Variants in WDR7 observed in about 807,000 individuals in gnomAD.
WDR7 encodes WD repeat domain 7.
In WDR7, 46 loss-of-function variants were observed where a neutral mutation model predicts 169.4. The observed-to-expected ratio is 0.27, with a 90% CI of 0.21 to 0.35. The LOEUF (loss-of-function observed/expected upper bound fraction) is 0.35. WDR7 is among the 10% of genes least tolerant of loss of function. The probability of loss-of-function intolerance (pLI) is 1.00; values close to 1 mark genes in which losing one functional copy is unlikely to be tolerated. For synonymous variants in WDR7, 612 were observed against 666.8 expected (o/e 0.92, Z 1.27); for missense variants, 1,534 against 1,859.3 (o/e 0.83, Z 3.22).
intron 13 of WDR7, among the ~76,000 whole-genome samples, chr18:56,728,849 C>G (rs2026519573): frequency 6.6e-6 from 1 of 152,186 alleles, no homozygotes; most frequent in African/African-American, 2.4e-5. Context: ...CTGCTGCCAC[C>G]ACTTCCCTCT....
chr18:56,780,451 A>G lies in WDR7; in HGVS notation c.3066+902A>G, dbSNP rs148279357. Among the ~76,000 whole-genome samples the G allele has an allele frequency of 6.2e-3, 939 of 152,304 alleles. 11 individuals are homozygous for G. Among genetic ancestry groups the G allele is most frequent in the African/African-American group, 0.021 (888 of 41,552 alleles). The stretch of plus-strand genomic sequence containing the variant: ...AATAATATTTTGAATTCACTTCAGA[A>G]GTCACTTATACTTAAAAGTACCAGT... On this transcript the variant is annotated intron_variant, in intron 18 of 27. Coordinates refer to ENST00000254442, the MANE Select transcript of WDR7 (RefSeq NM_015285.3).
intron 20 of WDR7, among the ~76,000 whole-genome samples, chr18:56,834,287 A>G (rs898338667): frequency 1.3e-5 from 2 of 152,118 alleles, no homozygotes; most frequent in Admixed American, 1.3e-4. Context: ...GCCTCCCATG[A>G]CTTTGCTGTC....
intron 18 of WDR7, among the ~76,000 whole-genome samples, chr18:56,780,055 G>T (rs1038283335): frequency 1.7e-4 from 26 of 152,126 alleles, no homozygotes; most frequent in Admixed American, 1.7e-3. Flanking sequence ...CCTATTTAAA[G>T]CTCATTTATA....
chr18:56,773,491 AAGG>A (rs1407994847), intron 16 of WDR7, among the ~76,000 whole-genome samples: 1 of 152,162 alleles, frequency 6.6e-6, no homozygotes, highest in East Asian at 1.9e-4. Flanking sequence ...AAGGAATTGG[AAGG>A]AGAATTAGTT....
rs2046083809 is a variant in WDR7, at chr18:56,880,084, A to C, written c.3445A>C (p.Arg1149=). 1 of 1,614,016 alleles carries C rather than the reference A, an allele frequency of 6.2e-7. No homozygotes were observed. Residue 1149 remains arginine, a synonymous_variant, in exon 21 of 28, where the codon AGA becomes CGA. Coordinates refer to ENST00000254442, the MANE Select transcript of WDR7 (RefSeq NM_015285.3). ...AATTGAACCTCCTAAACTATTGACC[A>C]GACCTCGAAGCTCTAGCCAAATTCC... ...AEIEPPKLLT[R]PRSSSQIPEG...
In WDR7 at chr18:57,027,031, G is replaced by A. The variant is rs768122434; in HGVS notation, c.4297G>A (p.Gly1433Ser). 17 of 1,613,898 alleles carry A rather than the reference G, an allele frequency of 1.1e-5. No homozygotes were observed. The South Asian group carries it at 1.1e-4, about 10-fold the overall frequency. ...QMNTSLLGSI[G>S]MLNSAPQLRC... ...GAACACGTCACTGCTGGGAAGCATC[G>A]GCATGCTGAACTCGGCACCTCAGCT... The change falls in exon 28 of 28, where the codon GGC (glycine) becomes AGC (serine). Residue 1433 changes from glycine to serine, a missense_variant. Gly to Ser is a moderately conservative substitution (Grantham distance 56). Transcript: ENST00000254442.
At chr18:56,664,430 G>A (rs2024974156) in intron 1 of WDR7, among the ~76,000 whole-genome samples, 1 of 152,018 alleles carries the variant, frequency 6.6e-6, no homozygotes. Flanking sequence ...CATGTTTGAA[G>A]GGCAAAGGTC....
At chr18:56,991,244 T>A (rs997568792) in intron 26 of WDR7, among the ~76,000 whole-genome samples, 5 of 150,468 alleles carry the variant, frequency 3.3e-5, no homozygotes, top group African/African-American at 4.9e-5. Context: ...CCTCCTGGGT[T>A]CATGCCATTC....
chr18:56,740,272 A>T (rs1026480135), intron 14 of WDR7, among the ~76,000 whole-genome samples: 1 of 152,054 alleles, frequency 6.6e-6, no homozygotes, highest in Non-Finnish European at 1.5e-5. Context: ...GATTTCAGTT[A>T]TCTGCTGAAA....
chr18:56,865,390 A>G (rs2045868761), intron 20 of WDR7, among the ~76,000 whole-genome samples: 1 of 152,144 alleles, frequency 6.6e-6, no homozygotes, highest in African/African-American at 2.4e-5. Flanking sequence ...TTAGAATAGC[A>G]CTAGTATGCA....
intron 14 of WDR7, among the ~76,000 whole-genome samples, chr18:56,743,693 T>A (rs2043655509): frequency 6.6e-6 from 1 of 152,176 alleles, no homozygotes; most frequent in South Asian, 2.1e-4. Context: ...TGTATAATAC[T>A]TTTGAAATGT....
intron 21 of WDR7, among the ~76,000 whole-genome samples, chr18:56,889,443 G>A (rs896054502): frequency 3.9e-5 from 6 of 152,012 alleles, no homozygotes; most frequent in African/African-American, 1.4e-4. Context: ...TATACTTGAC[G>A]TGTATTATTT....
At position 56,781,699 on chromosome 18, in the gene WDR7, G is replaced by A. The variant is rs777337597; in HGVS notation, c.3190+43G>A. 1.1e-5 allele frequency: 17 copies of A among 1,487,768 alleles called. No individual in the cohort carries two copies. The Admixed American group carries it at 3.4e-4, about 30-fold the overall frequency. 92.2% of individuals were successfully genotyped at this position (1,487,768 alleles called of 1,614,324 possible). On this transcript the variant is annotated intron_variant, in intron 19 of 27. Coordinates refer to ENST00000254442, the MANE Select transcript of WDR7 (RefSeq NM_015285.3). The stretch of plus-strand genomic sequence containing the variant: ...TCTCTACAAAGCTTTGCAGGAATAT[G>A]TAGAAAAGGTACCTGTACTCACAAA...
intron 20 of WDR7, among the ~76,000 whole-genome samples, chr18:56,843,002 T>C (rs76912203): frequency 2.0e-5 from 3 of 152,314 alleles, no homozygotes; most frequent in East Asian, 3.9e-4. Context: ...TGTAAGACTA[T>C]TAATTTTAAA....
At chr18:56,814,467 CTG>C (rs955258695) in intron 19 of WDR7, among the ~76,000 whole-genome samples, 1 of 152,058 alleles carries the variant, frequency 6.6e-6, no homozygotes, top group Non-Finnish European at 1.5e-5. Context: ...CATCTCCTCT[CTG>C]TGATTATTTT....
rs557602392 is a variant in WDR7 at position 56,963,634 on chromosome 18, G to A, written c.4164+1105G>A. ...AATGTGCATTGTGCATTTTCTGGGC[G>A]TGCATCAAATATGCACTATTTGCCA... On this transcript the variant is annotated intron_variant, in intron 26 of 27. Transcript: ENST00000254442. 3.3e-5 allele frequency among the ~76,000 whole-genome samples: 5 copies of A among 152,030 alleles called. No individual in the cohort carries two copies. The South Asian group carries it at 6.2e-4, about 19-fold the overall frequency.
chr18:56,807,208 C>G (rs139086108), intron 19 of WDR7, among the ~76,000 whole-genome samples: 2 of 147,820 alleles, frequency 1.4e-5, no homozygotes, highest in African/African-American at 5.0e-5. Context: ...TCTAAAAGAA[C>G]ATACTTTAAG....
intron 5 of WDR7, among the ~76,000 whole-genome samples, chr18:56,685,530 G>A (rs2025426661): frequency 6.6e-6 from 1 of 152,132 alleles, no homozygotes; most frequent in Non-Finnish European, 1.5e-5. Flanking sequence ...TGGGGAGGGT[G>A]TAATGTGCAA....
intron 16 of WDR7, among the ~76,000 whole-genome samples, chr18:56,762,641 C>G (rs1195132746): frequency 1.3e-5 from 2 of 151,978 alleles, no homozygotes; most frequent in African/African-American, 4.8e-5. Context: ...TGTCTTCTCT[C>G]TTTTTGCTTC....
Sources: gnomAD v4.1 joint callset for allele counts (sites outside exome capture counted in the v4.1 genomes callset) on GRCh38, gnomAD v4.1.1 for gene constraint, MANE v1.5 for transcripts, NCBI Gene and HGNC (gene_info 2026-07-23, HGNC 2026-07-21) for gene names.